The following DHRS12 variants were observed in gnomAD, a reference collection of about 807,000 sequenced individuals.
DHRS12 encodes dehydrogenase/reductase SDR family member 12.
DHRS12 carries 29 observed loss-of-function variants against 32.1 expected under a neutral mutation model. The ratio of observed to expected loss-of-function variants is 0.90; its 90% CI spans 0.67 to 1.23. The LOEUF (loss-of-function observed/expected upper bound fraction) is 1.23, where lower values mean the gene tolerates loss of function less well. Ranked by LOEUF, DHRS12 falls within the 50% of genes most tolerant of loss-of-function variation. The pLI, the probability that DHRS12 is intolerant of heterozygous loss-of-function variation, is 0.00. For synonymous variants in DHRS12, 150 were observed against 135.9 expected, an observed-to-expected ratio of 1.10 and a Z score of -0.72; for missense variants, 330 against 337.2, an observed-to-expected ratio of 0.98 and a Z score of 0.17.
chr13:51,770,944 C>T (rs1001233454), intron 7 of DHRS12: 3 of 1,286,598 alleles, frequency 2.3e-6, no homozygotes, highest in Admixed American at 3.6e-5. Context: ...CCTTGTTTTC[C>T]CTATCTTTAT....
At chr13:51,784,967 C>T (rs1593538136) in intron 4 of DHRS12, among the ~76,000 whole-genome samples, 1 of 152,202 alleles carries the variant, frequency 6.6e-6, no homozygotes, top group African/African-American at 2.4e-5. Context: ...GTGGCTCATG[C>T]CTGTAATCCC....
At chr13:51,794,244 T>C (rs1473896955) in intron 2 of DHRS12, among the ~76,000 whole-genome samples, 2 of 152,064 alleles carry the variant, frequency 1.3e-5, no homozygotes, top group Non-Finnish European at 2.9e-5. Flanking sequence ...AAAACAAAAC[T>C]CAACTGGGAC....
chr13:51,794,131 C>A (rs1006745504), intron 2 of DHRS12, among the ~76,000 whole-genome samples: 2 of 152,208 alleles, frequency 1.3e-5, no homozygotes, highest in African/African-American at 2.4e-5. Flanking sequence ...GAAACAGGTG[C>A]ATGTGTGTAA....
rs1003955323 is a variant in DHRS12 at position 51,782,565 on chromosome 13, G to A, written c.302-5444C>T. Among the ~76,000 whole-genome samples the A allele has an allele frequency of 2.6e-5, 4 of 152,184 alleles. No individual in the cohort carries two copies. Among genetic ancestry groups the A allele is most frequent in the Non-Finnish European group, 4.4e-5 (3 of 68,024 alleles). ...TGGCCAAAGGTCAGGGAGATAAGCC[G>A]ACTGGAGTGAGCTGCAGGATGCCCG... On this transcript the variant is annotated intron_variant, in intron 4 of 8. Coordinates refer to ENST00000444610, the MANE Select transcript of DHRS12 (RefSeq NM_001377533.1). This position sits in a 1 kb window ranked among gnomAD's most constrained non-coding sequence, Gnocchi z 4.2.
chr13:51,788,773 T>C (rs1955118460), intron 4 of DHRS12, among the ~76,000 whole-genome samples: 1 of 151,976 alleles, frequency 6.6e-6, no homozygotes, highest in Admixed American at 6.6e-5. Context: ...GGTGAAAGGA[T>C]TGCTTGAGCC....
chr13:51,782,361 T>C lies in DHRS12; in HGVS notation c.302-5240A>G, dbSNP rs568326814. ...ACATTTAAAGTCCCCGCAGACACGC[T>C]GCAGCTGGCTAAGGAGGTTGAGAAG... On this transcript the variant is annotated intron_variant, in intron 4 of 8. Transcript: ENST00000444610. This position sits in a 1 kb window ranked among gnomAD's most constrained non-coding sequence, Gnocchi z 4.2. 3.9e-4 allele frequency among the ~76,000 whole-genome samples: 59 copies of C among 152,246 alleles called. No individual in the cohort carries two copies. The highest frequency in any genetic ancestry group is 1.4e-3 in the African/African-American group (57 of 41,546).
intron 1 of DHRS12, among the ~76,000 whole-genome samples, chr13:51,801,536 A>T (rs896663660): frequency 4.6e-5 from 7 of 152,168 alleles, no homozygotes; most frequent in Non-Finnish European, 1.0e-4. Context: ...CCATGTTCAC[A>T]CTTGAGCTCA....
chr13:51,762,216 A>G, the DHRS12 span: 1 of 152,384 alleles, frequency 6.6e-6, no homozygotes, highest in African/African-American at 2.4e-5. Flanking sequence ...CCAGGCGCCC[A>G]GCAAGCCTGT....
At chr13:51,767,967 A>G (rs1010296368), downstream of DHRS12, 3 of 1,354,760 alleles carry the variant, frequency 2.2e-6, no homozygotes, top group Non-Finnish European at 2.8e-6. Context: ...TGAGACTTAA[A>G]ATAAGAAAAG....
the DHRS12 span, chr13:51,758,226 C>T: frequency 1.3e-6 from 2 of 1,595,996 alleles, no homozygotes; most frequent in Non-Finnish European, 1.7e-6. Flanking sequence ...TGACAGTAAA[C>T]ATAACATTGT....
chr13:51,794,475 C>T (rs79912015), intron 2 of DHRS12, among the ~76,000 whole-genome samples: 1 of 152,322 alleles, frequency 6.6e-6, no homozygotes, highest in African/African-American at 2.4e-5. Context: ...TCTCAAGAAG[C>T]TAGAAATCCA....
At chr13:51,786,130 G>A (rs969942965) in intron 4 of DHRS12, among the ~76,000 whole-genome samples, 7 of 152,204 alleles carry the variant, frequency 4.6e-5, no homozygotes, top group African/African-American at 1.7e-4. Flanking sequence ...TCTGTCTCAC[G>A]ACGTACATCC....
rs554656731 is a variant in DHRS12, at chr13:51,796,670, G to A, written c.126+2864C>T. On this transcript the variant is annotated intron_variant, in intron 2 of 8. Transcript: ENST00000444610. ...CCAGGCAAACCTCCTCCTGTCCGTG[G>A]CCTGAGATTAGTATTCTTGTTGCAT... Among the ~76,000 whole-genome samples the A allele has an allele frequency of 2.6e-5, 4 of 152,290 alleles. No homozygotes were observed. The South Asian group carries it at 8.3e-4, about 32-fold the overall frequency.
At chr13:51,788,651 C>T (rs1408951567) in intron 4 of DHRS12, among the ~76,000 whole-genome samples, 1 of 151,854 alleles carries the variant, frequency 6.6e-6, no homozygotes, top group Non-Finnish European at 1.5e-5. Context: ...TTGAGACTAG[C>T]CTGGGCAACA....
In DHRS12 at chr13:51,804,128, C is replaced by T; in HGVS notation, c.-83G>A. The T allele has an allele frequency of 6.8e-7, 1 of 1,468,814 alleles. No individual in the cohort carries two copies. The highest frequency in any genetic ancestry group is 9.0e-7 in the Non-Finnish European group (1 of 1,113,758). 91.0% of individuals were successfully genotyped at this position (1,468,814 alleles called of 1,614,324 possible). On this transcript the variant is annotated 5_prime_UTR_variant, in exon 1 of 9. Coordinates refer to ENST00000444610, the MANE Select transcript of DHRS12 (RefSeq NM_001377533.1). The stretch of plus-strand genomic sequence containing the variant: ...GGGACATGCCGGGAGCGCCCCACGC[C>T]TAGCCCCACCGCGCTCCCGGCGCGG...
At chr13:51,781,632 G>T (rs1954713134) in intron 4 of DHRS12, among the ~76,000 whole-genome samples, 1 of 152,192 alleles carries the variant, frequency 6.6e-6, no homozygotes, top group African/African-American at 2.4e-5. Context: ...GAACAGGCAG[G>T]TAGAGGGCTG....
chr13:51,768,984 G>A (rs1352560228), intron 8 of DHRS12, 172 bp downstream of exon 8: 3 of 1,413,922 alleles, frequency 2.1e-6, no homozygotes, highest in Admixed American at 6.3e-5. Flanking sequence ...GGAGTGAAGC[G>A]CTTCCCAAAA....
intron 8 of DHRS12, chr13:51,768,592 T>C: frequency 2.4e-6 from 3 of 1,232,586 alleles, no homozygotes; most frequent in Non-Finnish European, 3.1e-6. Flanking sequence ...TCACCAGCGC[T>C]TCAGAATTCC....
At chr13:51,777,585 T>G (rs1443000772) in intron 4 of DHRS12, among the ~76,000 whole-genome samples, 1 of 152,248 alleles carries the variant, frequency 6.6e-6, no homozygotes, top group Non-Finnish European at 1.5e-5. Context: ...AGCATATAAC[T>G]TTATGGTTAT....
Sources: gnomAD v4.1 joint callset for allele counts (sites outside exome capture counted in the v4.1 genomes callset) on GRCh38, gnomAD v4.1.1 for gene constraint, Gnocchi (gnomAD v3.1) non-coding constraint, MANE v1.5 for transcripts, NCBI Gene and HGNC (gene_info 2026-07-23, HGNC 2026-07-21) for gene names.